Variants in WDR62 observed in about 807,000 individuals in gnomAD.
WDR62 encodes the protein WD repeat domain 62.
In WDR62, 112 loss-of-function variants were observed where a neutral mutation model predicts 160.6. That is an observed-to-expected ratio of 0.70 (90% CI 0.60 to 0.82). The LOEUF is 0.82. Among genes scored for constraint, WDR62 ranks in the 40% least tolerant of loss-of-function variants. The pLI, the probability that WDR62 is intolerant of heterozygous loss-of-function variation, is 0.00. For synonymous variants in WDR62, 792 were observed against 815.1 expected, an observed-to-expected ratio of 0.97 and a Z score of 0.48; for missense variants, 1,819 against 1,983.8, an observed-to-expected ratio of 0.92 and a Z score of 1.58.
At position 36,081,475 on chromosome 19, in the gene WDR62, G is replaced by C. The variant is rs1400293521; in HGVS notation, c.1276G>C (p.Gly426Arg). 1 of 1,614,138 alleles carries C rather than the reference G, an allele frequency of 6.2e-7. No homozygotes were observed. The highest frequency in any genetic ancestry group is 1.7e-5 in the Admixed American group (1 of 60,022). ...FEDQRACLPSGSFLTCSSDNT... is the reference protein window; with the variant it reads ...FEDQRACLPSRSFLTCSSDNT... ...AGACCAGAGAGCTTGTTTGCCATCA[G>C]GATCCTTTCTGACTTGTTCTTCAGA... Residue 426 changes from glycine to arginine, a missense_variant, in exon 10 of 32, where the codon GGA becomes CGA. Around this residue, in one of 3 missense-constraint regions of WDR62, gnomAD observed 934 missense variants for 1,157.2 expected, o/e 0.81. Coordinates refer to ENST00000401500, the MANE Select transcript of WDR62 (RefSeq NM_001083961.2).
In WDR62 at chr19:36,083,290, A is replaced by G. The variant is rs761831520; in HGVS notation, c.1550+49A>G. The G allele has an allele frequency of 3.9e-6, 6 of 1,547,176 alleles. No homozygotes were observed. In the Admixed American group the frequency reaches 9.6e-5, roughly 25 times the overall value. On this transcript the variant is annotated intron_variant, in intron 11 of 31. Transcript: ENST00000401500. ...AGTGTACACCTCCCAGCTCCAGCTC[A>G]GGTTCTCAGGGCAGTGGGCAGAAGC...
chr19:36,107,564 A>C (rs933132584), downstream of WDR62, among the ~76,000 whole-genome samples: 1 of 151,828 alleles, frequency 6.6e-6, no homozygotes, highest in Non-Finnish European at 1.5e-5. Context: ...AGGGCAGCAG[A>C]AAAGATGCAG....
At chr19:36,059,853 G>A (rs1970555080) in intron 2 of WDR62, 115 bp from the exon 3 acceptor site, 3 of 1,063,522 alleles carry the variant, frequency 2.8e-6, no homozygotes, top group African/African-American at 1.6e-5. Context: ...AGGAGGAGGA[G>A]ACCAGAGAGA....
Position 36,055,162 on chromosome 19 carries a change from C to T in WDR62, c.177+14C>T, listed in dbSNP as rs768502141. 14 of 1,603,386 alleles carry T rather than the reference C, an allele frequency of 8.7e-6. No individual in the cohort carries two copies. Among genetic ancestry groups the T allele is most frequent in the East Asian group, 2.3e-5 (1 of 44,230 alleles). On this transcript the variant is annotated intron_variant, in intron 1 of 31. Transcript: ENST00000401500. ...GTGCAGAACCGGGTGAGAAGCTGCT[C>T]GCCATGTCTACCCCAGTTCCAGGCT... is the stretch of plus-strand genomic sequence containing the variant.
Position 36,103,111 on chromosome 19 carries a change from T to C in WDR62, c.3462+37T>C, listed in dbSNP as rs373167397. 8 of 1,613,908 alleles carry C rather than the reference T, an allele frequency of 5.0e-6. No homozygotes were observed. The African/African-American group carries it at 6.7e-5, about 13-fold the overall frequency. On this transcript the variant is annotated intron_variant, in intron 28 of 31. Coordinates refer to ENST00000401500, the MANE Select transcript of WDR62 (RefSeq NM_001083961.2). ...GCCCACCTCCGTCAGGGCACGGGGC[T>C]GGGAACCCTGAGGCCTTGTCCTCAC...
Position 36,104,919 on chromosome 19 carries a change from C to G in WDR62, c.4463C>G (p.Pro1488Arg), listed in dbSNP as rs572570068. 9 of 1,609,724 alleles carry G rather than the reference C, an allele frequency of 5.6e-6. No individual in the cohort carries two copies. Among genetic ancestry groups the G allele is most frequent in the Non-Finnish European group, 7.6e-6 (9 of 1,179,296 alleles). The change falls in exon 32 of 32, where the codon CCG becomes CGG. Residue 1488 changes from proline to arginine, a missense_variant. Physicochemically the swap from Pro to Arg is moderately radical, Grantham distance 103. Around this residue, in one of 3 missense-constraint regions of WDR62, gnomAD observed 770 missense variants for 734.2 expected, o/e 1.05. Coordinates refer to ENST00000401500, the MANE Select transcript of WDR62 (RefSeq NM_001083961.2). ...CAGGCTCTGCCCAGCCCAGGACCCCCGTCCCCACCGACGCTGTACCCCCTG... is the reference window on the plus strand; with the variant it reads ...CAGGCTCTGCCCAGCCCAGGACCCCGGTCCCCACCGACGCTGTACCCCCTG... Reference protein sequence around the residue: ...PAQALPSPGPPSPPTLYPLAS... With the variant: ...PAQALPSPGPRSPPTLYPLAS...
intron 21 of WDR62, among the ~76,000 whole-genome samples, chr19:36,097,919 T>TG (rs1331623268): frequency 6.6e-6 from 1 of 151,858 alleles, no homozygotes; most frequent in East Asian, 1.9e-4. Flanking sequence ...TAAGGAGTGT[T>TG]GGGGGGTGTC....
chr19:36,089,347 T>C, intron 15 of WDR62, 41 bp downstream of exon 15: 1 of 1,614,136 alleles, frequency 6.2e-7, no homozygotes. Context: ...CTGGTCTGCC[T>C]TGTCCTAGGC....
In WDR62 at chr19:36,067,127, G is replaced by A. The variant is rs529320457; in HGVS notation, c.562-179G>A. 2.0e-5 allele frequency among the ~76,000 whole-genome samples: 3 copies of A among 152,294 alleles called. No individual in the cohort carries two copies. In the South Asian group the frequency reaches 6.2e-4, roughly 32 times the overall value. ...ATTCCAAGCCTCTGTCCCTTCCTCT[G>A]TCGGTGAGGAATGAGCAGGGTGCCC... On this transcript the variant is annotated intron_variant, in intron 5 of 31. Transcript: ENST00000401500.
At chr19:36,083,403 C>T (rs897045481) in intron 11 of WDR62, among the ~76,000 whole-genome samples, 162 bp downstream of exon 11, 1 of 152,172 alleles carries the variant, frequency 6.6e-6, no homozygotes, top group Non-Finnish European at 1.5e-5. Context: ...AACTTAAGCT[C>T]GTAAGAGGCT....
At chr19:36,101,555 T>A in intron 24 of WDR62, 109 bp from the exon 25 acceptor site, 1 of 905,552 alleles carries the variant, frequency 1.1e-6, no homozygotes, top group Non-Finnish European at 1.8e-6. Flanking sequence ...CAGCTGCTCT[T>A]ACCATCCCTC....
chr19:36,101,607 C>G, intron 24 of WDR62, 57 bp from the exon 25 acceptor site: 7 of 1,367,426 alleles, frequency 5.1e-6, no homozygotes, highest in Non-Finnish European at 7.1e-6. Context: ...GTAGCCCTGG[C>G]CCTGGCTCAC....
chr19:36,068,257 AT>A (rs1318087359), intron 7 of WDR62, among the ~76,000 whole-genome samples: 27 of 152,318 alleles, frequency 1.8e-4, no homozygotes, highest in African/African-American at 6.3e-4. Flanking sequence ...GTACCCTGAA[AT>A]GGGCTCAAGG....
rs61671437 is a variant in WDR62, at chr19:36,089,624, G to C, written c.1958+318G>C. Among the ~76,000 whole-genome samples, 3,069 of 152,236 alleles carry C rather than the reference G, an allele frequency of 0.02. 98 individuals are homozygous for C. The highest frequency in any genetic ancestry group is 0.071 in the African/African-American group (2,951 of 41,532). Reference sequence around the variant, plus strand: ...GCCTAGCTAATTTTTTGTATTTTTAGTAGAGACGAGGTTTCGCCATGTTGG... The same window carrying C: ...GCCTAGCTAATTTTTTGTATTTTTACTAGAGACGAGGTTTCGCCATGTTGG... On this transcript the variant is annotated intron_variant, in intron 15 of 31. Transcript: ENST00000401500.
Position 36,054,931 on chromosome 19 carries a change from G to T in WDR62, c.-41G>T. On this transcript the variant is annotated 5_prime_UTR_variant, in exon 1 of 32. Transcript: ENST00000401500. ...GTGGGTCGTGGCGGTGGCGGCAGCG[G>T]CGGTTAGGGGATGTAACGGTCGCCC... is the stretch of plus-strand genomic sequence containing the variant. 1 of 1,552,904 alleles carries T rather than the reference G, an allele frequency of 6.4e-7. No individual in the cohort carries two copies. Among genetic ancestry groups the T allele is most frequent in the Non-Finnish European group, 8.7e-7 (1 of 1,150,976 alleles).
At chr19:36,084,026 C>T (rs1972058968) in intron 11 of WDR62, among the ~76,000 whole-genome samples, 3 of 152,020 alleles carry the variant, frequency 2.0e-5, no homozygotes, top group Admixed American at 6.5e-5. Context: ...AGTGGCAAAA[C>T]GGTACCAAGA....
the WDR62 span, among the ~76,000 whole-genome samples, chr19:36,110,154 T>C: frequency 6.6e-6 from 1 of 151,754 alleles, no homozygotes; most frequent in Non-Finnish European, 1.5e-5. Flanking sequence ...GGTAGGGTCC[T>C]GGGAGCCCCT....
intron 3 of WDR62, among the ~76,000 whole-genome samples, chr19:36,064,493 G>A (rs1266289412): frequency 6.6e-6 from 1 of 151,966 alleles, no homozygotes. Context: ...GTTAGCCAGG[G>A]TGGTCTCGAT....
At chr19:36,106,362 C>CAA (rs10668126), downstream of WDR62, among the ~76,000 whole-genome samples, 11,737 of 115,074 alleles carry the variant, frequency 0.1, 715 homozygotes, top group Admixed American at 0.2. Context: ...CAGCAAGTCT[C>CAA]AAAAAAAAAA....
Sources: allele counts gnomAD v4.1 joint callset (sites outside exome capture counted in the v4.1 genomes callset), GRCh38; gene constraint gnomAD v4.1.1; regional missense constraint gnomAD v4.1.1; transcripts MANE v1.5; gene names NCBI Gene and HGNC (gene_info 2026-07-23, HGNC 2026-07-21).